RPL24: variants seen among roughly 807,000 people sequenced by gnomAD.
The protein encoded by RPL24 is ribosomal protein L24, also known as large ribosomal subunit protein eL24.
RPL24 carries 7 observed loss-of-function variants against 26.4 expected under a neutral mutation model. The observed-to-expected ratio is 0.27, with a 90% CI of 0.15 to 0.50. The LOEUF is 0.50. RPL24 is among the 20% of genes least tolerant of loss of function. The probability of loss-of-function intolerance (pLI) is 0.98; values close to 1 mark genes in which losing one functional copy is unlikely to be tolerated. For missense variants in RPL24, 109 were observed against 194.9 expected (o/e 0.56, Z 2.62); for synonymous variants, 67 against 65.2 (o/e 1.03, Z -0.13).
chr3:101,685,452 T>A lies in RPL24; in HGVS notation c.192+366A>T, dbSNP rs528918889. 2.0e-5 allele frequency among the ~76,000 whole-genome samples: 3 copies of A among 152,248 alleles called. No homozygotes were observed. The South Asian group carries it at 6.2e-4, about 32-fold the overall frequency. On this transcript the variant is annotated intron_variant, in intron 3 of 5. Coordinates refer to ENST00000394077, the MANE Select transcript of RPL24 (RefSeq NM_000986.4). ...ACTGTTTTTCTAGTGAATGAACTAG[T>A]GTATGGTGGACTGGTTCATGGTCCA...
chr3:101,684,782 A>C (rs1239744708), intron 3 of RPL24, among the ~76,000 whole-genome samples: 1 of 23,514 alleles, frequency 4.3e-5, no homozygotes, highest in South Asian at 7.9e-4. Flanking sequence ...TCCCCAAAAA[A>C]AAAAAAAAAA....
chr3:101,683,902 G>A (rs989101973), intron 3 of RPL24, among the ~76,000 whole-genome samples: 1 of 151,756 alleles, frequency 6.6e-6, no homozygotes, highest in South Asian at 2.1e-4. Context: ...AGTAGAAACC[G>A]GGTTCCACCA....
At chr3:101,682,621 A>G (rs1937277937) in intron 4 of RPL24, 129 bp from the exon 5 acceptor site, 1 of 1,134,682 alleles carries the variant, frequency 8.8e-7, no homozygotes, top group Non-Finnish European at 1.3e-6. Context: ...ATTTATTTGT[A>G]GGCTAAATCC....
In RPL24 at chr3:101,686,718, G is replaced by T; in HGVS notation, c.-42C>A. On this transcript the variant is annotated 5_prime_UTR_variant, in exon 1 of 6. Transcript: ENST00000394077. ...AAAGACAAAAGATGGCGAAAAGAAAGAGAGAATCATGGGAAGAGACCTTAT... is the reference window on the plus strand; with the variant it reads ...AAAGACAAAAGATGGCGAAAAGAAATAGAGAATCATGGGAAGAGACCTTAT... 6.2e-7 allele frequency: 1 copy of T among 1,613,230 alleles called. No individual in the cohort carries two copies. Among genetic ancestry groups the T allele is most frequent in the Non-Finnish European group, 8.5e-7 (1 of 1,179,792 alleles).
intron 5 of RPL24, 165 bp downstream of exon 5, chr3:101,682,264 G>T (rs1937273143): frequency 6.3e-6 from 4 of 633,940 alleles, no homozygotes; most frequent in Non-Finnish European, 1.1e-5. Flanking sequence ...TACTCGGGAG[G>T]CTGAGGCAGG....
intron 3 of RPL24, among the ~76,000 whole-genome samples, chr3:101,683,145 A>G (rs952377385): frequency 1.5e-4 from 23 of 152,236 alleles, no homozygotes; most frequent in Admixed American, 1.5e-3. Flanking sequence ...ACTCTAAGGA[A>G]AATGGTTATT....
At chr3:101,685,780 A>G (rs1378654959) in intron 3 of RPL24, 38 bp downstream of exon 3, 1 of 1,198,506 alleles carries the variant, frequency 8.3e-7, no homozygotes. Context: ...TTGACAACTT[A>G]AGAGATAGCC....
rs577624916 is a variant in RPL24 at position 101,686,521 on chromosome 3, G to A, written c.42C>T (p.Tyr14=). 8.1e-6 allele frequency: 13 copies of A among 1,614,228 alleles called. No homozygotes were observed. The highest frequency in any genetic ancestry group is 1.1e-5 in the Non-Finnish European group (13 of 1,180,036). ...ELCSFSGYKI[Y]PGHGRRYART... ...TGGCGTAGCGCCTCCCGTGTCCGGG[G>A]TAGATCTTGTACCCGCTAAAACTGC... is the stretch of plus-strand genomic sequence containing the variant. Residue 14 remains tyrosine, a synonymous_variant, in exon 2 of 6, where the codon TAC becomes TAT. Transcript: ENST00000394077.
chr3:101,681,415 TCA>T (rs1937260956), intron 5 of RPL24, 200 bp from the exon 6 acceptor site: 3 of 572,816 alleles, frequency 5.2e-6, no homozygotes, highest in Non-Finnish European at 6.3e-6. Flanking sequence ...TAAGATACCC[TCA>T]CAGACTGGAT....
intron 3 of RPL24, among the ~76,000 whole-genome samples, chr3:101,684,081 G>A (rs1937298550): frequency 6.6e-6 from 1 of 151,966 alleles, no homozygotes. Flanking sequence ...TCAAACTCCT[G>A]GGCTCAAGCT....
At chr3:101,681,307 T>G in intron 5 of RPL24, 92 bp from the exon 6 acceptor site, 1 of 857,926 alleles carries the variant, frequency 1.2e-6, no homozygotes, top group South Asian at 1.4e-5. Context: ...GTAGCTTAGA[T>G]CACTTTCTTA....
In RPL24 at chr3:101,681,285, C is replaced by G. The variant is rs1576657591; in HGVS notation, c.394-70G>C. On this transcript the variant is annotated intron_variant, in intron 5 of 5. Coordinates refer to ENST00000394077, the MANE Select transcript of RPL24 (RefSeq NM_000986.4). ...CCTATTATTACCCATCTCTCACATC[C>G]AGATTGTTTATGTAGCTTAGATCAC... 4.8e-6 allele frequency: 5 copies of G among 1,044,014 alleles called. No individual in the cohort carries two copies. In the East Asian group the frequency reaches 1.2e-4, roughly 25 times the overall value. The allele number at this position is 1,044,014 out of a possible 1,614,324, so 64.7% of individuals were successfully genotyped here. A position where few individuals can be genotyped will look rare whatever the true frequency, so the allele number is the denominator to read the frequency against.
At chr3:101,683,037 A>G (rs1328011554) in intron 3 of RPL24, 130 bp from the exon 4 acceptor site, 21 of 842,208 alleles carry the variant, frequency 2.5e-5, no homozygotes, top group Non-Finnish European at 5.4e-6. Flanking sequence ...AATAATTCAT[A>G]TATTTGAAAT....
intron 3 of RPL24, 87 bp downstream of exon 3, chr3:101,685,731 T>C: frequency 1.5e-6 from 1 of 688,632 alleles, no homozygotes; most frequent in Non-Finnish European, 2.5e-6. Flanking sequence ...TACAGTCTGA[T>C]TTAATTTTAC....
chr3:101,683,911 C>T (rs1937296179), intron 3 of RPL24, among the ~76,000 whole-genome samples: 1 of 151,870 alleles, frequency 6.6e-6, no homozygotes, highest in South Asian at 2.1e-4. Flanking sequence ...CGGGTTCCAC[C>T]ATGTTGCCCA....
chr3:101,682,700 T>G, intron 4 of RPL24, 71 bp downstream of exon 4: 1 of 1,464,490 alleles, frequency 6.8e-7, no homozygotes, highest in Non-Finnish European at 9.4e-7. Context: ...TATGGTAACT[T>G]TAATTACTGA....
chr3:101,682,957 T>C (rs772509190), intron 3 of RPL24, 50 bp from the exon 4 acceptor site: 1 of 1,551,142 alleles, frequency 6.4e-7, no homozygotes, highest in Middle Eastern at 1.7e-4. Context: ...TTCAAGAATT[T>C]AGAGGGAGGA....
chr3:101,685,516 A>G (rs1406621907), intron 3 of RPL24, among the ~76,000 whole-genome samples: 1 of 152,232 alleles, frequency 6.6e-6, no homozygotes, highest in Non-Finnish European at 1.5e-5. Context: ...TATTGCAATC[A>G]AAACCAAATT....
At position 101,684,354 on chromosome 3, in the gene RPL24, G is replaced by A. The variant is rs1937303060; in HGVS notation, c.193-1447C>T. Reference sequence around the variant, plus strand: ...CTAATTTTTTTTTGTATTTTTAGTAGAGACAGGGTTTCACTCTGTGGGCCA... The same window carrying A: ...CTAATTTTTTTTTGTATTTTTAGTAAAGACAGGGTTTCACTCTGTGGGCCA... On this transcript the variant is annotated intron_variant, in intron 3 of 5. Coordinates refer to ENST00000394077, the MANE Select transcript of RPL24 (RefSeq NM_000986.4). Among the ~76,000 whole-genome samples, 5 of 151,306 alleles carry A rather than the reference G, an allele frequency of 3.3e-5. No homozygotes were observed. The South Asian group carries it at 1.0e-3, about 32-fold the overall frequency.
Sources: gnomAD v4.1 joint callset for allele counts (sites outside exome capture counted in the v4.1 genomes callset) on GRCh38, gnomAD v4.1.1 for gene constraint, MANE v1.5 for transcripts, NCBI Gene and HGNC (gene_info 2026-07-23, HGNC 2026-07-21) for gene names.